Variants in TRIP13 observed in about 807,000 individuals in gnomAD.
TRIP13 encodes the protein thyroid hormone receptor interactor 13, also known as pachytene checkpoint protein 2 homolog.
Under a neutral mutation model 54.4 loss-of-function variants are expected in TRIP13, and 25 were observed. The observed-to-expected ratio is 0.46, with a 90% CI of 0.33 to 0.64. TRIP13 has a LOEUF of 0.64. TRIP13 is among the 30% of genes least tolerant of loss of function. The pLI is 0.02. For synonymous variants in TRIP13, 207 were observed against 207.8 expected (o/e 1.00, Z 0.03); for missense variants, 373 against 534.2 (o/e 0.70, Z 2.97).
intron 5 of TRIP13, among the ~76,000 whole-genome samples, chr5:902,876 C>CAG (rs577290763): frequency 1.3e-5 from 2 of 151,878 alleles, no homozygotes; most frequent in Non-Finnish European, 2.9e-5. Flanking sequence ...GCAGCTGAGG[C>CAG]AGAGAGAGAG....
intron 1 of TRIP13, 34 bp downstream of exon 1, chr5:893,124 A>AGCCCCCCCCCCCCCCC: frequency 6.6e-7 from 1 of 1,516,706 alleles, no homozygotes; most frequent in Non-Finnish European, 8.8e-7. Context: ...TCCTCTGGGC[A>AGCCCCCCCCCCCCCCC]CCCACCCGCC....
intron 5 of TRIP13, among the ~76,000 whole-genome samples, chr5:902,328 G>A (rs1754010579): frequency 6.6e-6 from 1 of 152,184 alleles, no homozygotes; most frequent in Non-Finnish European, 1.5e-5. Flanking sequence ...AGTTAAGATT[G>A]CGTGACAAAG....
At position 917,359 on chromosome 5, in the gene TRIP13, T is replaced by C; in HGVS notation, c.*256T>C. On this transcript the variant is annotated 3_prime_UTR_variant, in exon 13 of 13. Transcript: ENST00000166345. ...AGATAATTCAGATTGTTTGTCTCCTTGTGAAGAACCATCGAAACCTGTTTG... is the reference window on the plus strand; with the variant it reads ...AGATAATTCAGATTGTTTGTCTCCTCGTGAAGAACCATCGAAACCTGTTTG... 5.2e-6 allele frequency: 2 copies of C among 381,708 alleles called. No homozygotes were observed. The highest frequency in any genetic ancestry group is 9.4e-6 in the Non-Finnish European group (2 of 212,082). The allele number at this position is 381,708 out of a possible 1,614,324, so 23.6% of individuals were successfully genotyped here.
Position 908,225 on chromosome 5 carries a change from G to A in TRIP13, c.760-130G>A, listed in dbSNP as rs561907587. On this transcript the variant is annotated intron_variant, in intron 8 of 12. Coordinates refer to ENST00000166345, the MANE Select transcript of TRIP13 (RefSeq NM_004237.4). The surrounding 1 kb of genome is among the most constrained non-coding windows in gnomAD (Gnocchi z 5.2). ...CTGTGCGCCTTTCCACCTTGCCGCAGCATCCGCAGGCTAGGCACGGGAACA... is the reference window on the plus strand; with the variant it reads ...CTGTGCGCCTTTCCACCTTGCCGCAACATCCGCAGGCTAGGCACGGGAACA... 8.6e-6 allele frequency: 12 copies of A among 1,388,422 alleles called. No homozygotes were observed. The East Asian group carries it at 2.1e-4, about 24-fold the overall frequency. 86.0% of individuals were successfully genotyped at this position (1,388,422 alleles called of 1,614,324 possible). A position where few individuals can be genotyped will look rare whatever the true frequency, so the allele number is the denominator to read the frequency against.
rs1754167961 is a variant in TRIP13, at chr5:908,667, T to C, written c.866+206T>C. 7.2e-7 allele frequency: 1 copy of C among 1,387,582 alleles called. No homozygotes were observed. Among genetic ancestry groups the C allele is most frequent in the East Asian group, 2.8e-5 (1 of 35,442 alleles). The allele number at this position is 1,387,582 out of a possible 1,614,324, so 86.0% of individuals were successfully genotyped here. On this transcript the variant is annotated intron_variant, in intron 9 of 12. Coordinates refer to ENST00000166345, the MANE Select transcript of TRIP13 (RefSeq NM_004237.4). The surrounding 1 kb of genome is among the most constrained non-coding windows in gnomAD (Gnocchi z 5.2). ...GAAATTGTTTTTAGTGTGTTAAAAATGTAATAGAAGGCCAGGCGCGGTGGC... is the reference window on the plus strand; with the variant it reads ...GAAATTGTTTTTAGTGTGTTAAAAACGTAATAGAAGGCCAGGCGCGGTGGC...
chr5:915,648 G>A lies in TRIP13; in HGVS notation c.1134-256G>A, dbSNP rs1206004968. Among the ~76,000 whole-genome samples, 10 of 152,166 alleles carry A rather than the reference G, an allele frequency of 6.6e-5. No homozygotes were observed. The East Asian group carries it at 7.7e-4, about 12-fold the overall frequency. On this transcript the variant is annotated intron_variant, in intron 11 of 12. Coordinates refer to ENST00000166345, the MANE Select transcript of TRIP13 (RefSeq NM_004237.4). The surrounding 1 kb of genome is among the most constrained non-coding windows in gnomAD (Gnocchi z 4.2). ...TGTGCCTTGGGTGTGCTTCAGAGCCGCGAGGACACTGCCTCCCAGAGCAGG... is the reference window on the plus strand; with the variant it reads ...TGTGCCTTGGGTGTGCTTCAGAGCCACGAGGACACTGCCTCCCAGAGCAGG...
At chr5:916,004 G>A (rs747170216) in intron 12 of TRIP13, 31 bp downstream of exon 12, 18 of 1,607,442 alleles carry the variant, frequency 1.1e-5, no homozygotes, top group Middle Eastern at 1.7e-4. Flanking sequence ...TCCAGCACCC[G>A]CCCTGTCCAC....
At position 911,501 on chromosome 5, in the gene TRIP13, G is replaced by A. The variant is rs1057283499; in HGVS notation, c.867-342G>A. Among the ~76,000 whole-genome samples the A allele has an allele frequency of 2.0e-5, 3 of 152,058 alleles. No individual in the cohort carries two copies. The highest frequency in any genetic ancestry group is 7.2e-5 in the African/African-American group (3 of 41,408). On this transcript the variant is annotated intron_variant, in intron 9 of 12. Coordinates refer to ENST00000166345, the MANE Select transcript of TRIP13 (RefSeq NM_004237.4). The surrounding 1 kb of genome is among the most constrained non-coding windows in gnomAD (Gnocchi z 4.7). ...CAGGAGAATGGTGTGAACCGGCGAG[G>A]CGGAGCTTGCAGTGAGCCGAGATAG...
chr5:911,043 C>T lies in TRIP13; in HGVS notation c.867-800C>T, dbSNP rs1754220171. On this transcript the variant is annotated intron_variant, in intron 9 of 12. Transcript: ENST00000166345. The surrounding 1 kb of genome is among the most constrained non-coding windows in gnomAD (Gnocchi z 4.7). ...GCCTGTGCAGCATGCTCCCTGGGGGCACCTTGTGCCCGCTCTGCTGGCTCA... is the reference window on the plus strand; with the variant it reads ...GCCTGTGCAGCATGCTCCCTGGGGGTACCTTGTGCCCGCTCTGCTGGCTCA... Among the ~76,000 whole-genome samples, 1 of 152,252 alleles carries T rather than the reference C, an allele frequency of 6.6e-6. No homozygotes were observed. Among genetic ancestry groups the T allele is most frequent in the Non-Finnish European group, 1.5e-5 (1 of 68,036 alleles).
At position 907,061 on chromosome 5, in the gene TRIP13, G is replaced by A. The variant is rs1205021378; in HGVS notation, c.609-69G>A. The A allele has an allele frequency of 1.8e-5, 25 of 1,379,458 alleles. No homozygotes were observed. The highest frequency in any genetic ancestry group is 2.9e-5 in the African/African-American group (2 of 69,908). The allele number at this position is 1,379,458 out of a possible 1,614,324, so 85.5% of individuals were successfully genotyped here. A position where few individuals can be genotyped will look rare whatever the true frequency, so the allele number is the denominator to read the frequency against. On this transcript the variant is annotated intron_variant, in intron 6 of 12. Transcript: ENST00000166345. This position sits in a 1 kb window ranked among gnomAD's most constrained non-coding sequence, Gnocchi z 4.1. ...ACTTGAGATGTTGCATTCAGGACGC[G>A]TGAATGGCTGCCGCTGAGGATCCAC...
intron 6 of TRIP13, among the ~76,000 whole-genome samples, chr5:904,518 A>G (rs1442226087): frequency 6.6e-6 from 1 of 151,858 alleles, no homozygotes. Context: ...TTTCCTCTTG[A>G]GTTCTGTCTG....
rs1158108785 is a variant in TRIP13 at position 893,059 on chromosome 5, G to A, written c.61G>A (p.Val21Ile). The change falls in exon 1 of 13, where the codon GTC (valine) becomes ATC (isoleucine). Residue 21 changes from valine to isoleucine, a missense_variant. This residue lies in a region of TRIP13 where 151 missense variants were observed against 151.9 expected (regional missense o/e 0.99). Transcript: ENST00000166345. ...ALPCVAESPTVHVEVHQRGSS... is the reference protein window; with the variant it reads ...ALPCVAESPTIHVEVHQRGSS... ...TCCCTGTGTGGCCGAGTCGCCAACG[G>A]TCCACGTGGAGGTGCATCAGCGCGG... 1 of 1,598,712 alleles carries A rather than the reference G, an allele frequency of 6.3e-7. No homozygotes were observed. Among genetic ancestry groups the A allele is most frequent in the South Asian group, 1.1e-5 (1 of 88,824 alleles).
At chr5:909,541 A>C (rs1173196321) in intron 9 of TRIP13, among the ~76,000 whole-genome samples, 3 of 152,154 alleles carry the variant, frequency 2.0e-5, no homozygotes, top group African/African-American at 7.2e-5. Context: ...ATGTGTGCCA[A>C]GACCAGCTCG....
Position 894,964 on chromosome 5 carries a change from A to G in TRIP13, c.258+12A>G, listed in dbSNP as rs1340979832. The G allele has an allele frequency of 6.3e-7, 1 of 1,595,734 alleles. No individual in the cohort carries two copies. Among genetic ancestry groups the G allele is most frequent in the Admixed American group, 1.8e-5 (1 of 56,896 alleles). On this transcript the variant is annotated intron_variant, in intron 2 of 12. Coordinates refer to ENST00000166345, the MANE Select transcript of TRIP13 (RefSeq NM_004237.4). ...TTAAAGACTCACAGGTAAGTTACTA[A>G]TTTGCTGGGCCAAGGAACAGTTAGC... is the stretch of plus-strand genomic sequence containing the variant.
chr5:894,719 A>G (rs1753871426), intron 1 of TRIP13, 68 bp from the exon 2 acceptor site: 2 of 1,519,950 alleles, frequency 1.3e-6, no homozygotes, highest in African/African-American at 1.4e-5. Flanking sequence ...AGTTTTTCAA[A>G]ACACTTCATT....
At chr5:901,494 C>G in intron 5 of TRIP13, 63 bp downstream of exon 5, 1 of 1,504,644 alleles carries the variant, frequency 6.6e-7, no homozygotes, top group East Asian at 2.3e-5. Context: ...TTACTTGTAC[C>G]TTCGTCCTTC....
At chr5:903,353 C>T (rs1436778221) in intron 5 of TRIP13, among the ~76,000 whole-genome samples, 1 of 152,054 alleles carries the variant, frequency 6.6e-6, no homozygotes, top group Non-Finnish European at 1.5e-5. Flanking sequence ...CCCCTCAGCT[C>T]CTATCTCTGT....
rs1754258533 is a variant in TRIP13 at position 912,503 on chromosome 5, G to A, written c.1020+507G>A. 6.6e-6 allele frequency among the ~76,000 whole-genome samples: 1 copy of A among 152,086 alleles called. No individual in the cohort carries two copies. The highest frequency in any genetic ancestry group is 1.5e-5 in the Non-Finnish European group (1 of 68,022). On this transcript the variant is annotated intron_variant, in intron 10 of 12. Transcript: ENST00000166345. This position sits in a 1 kb window ranked among gnomAD's most constrained non-coding sequence, Gnocchi z 7.2. ...GCAGAGCGACGCGTGCGGGTTGTGTGTGTGAGTCAGGAAGGCCGTCGCCAC... is the reference window on the plus strand; with the variant it reads ...GCAGAGCGACGCGTGCGGGTTGTGTATGTGAGTCAGGAAGGCCGTCGCCAC...
chr5:915,600 G>A lies in TRIP13; in HGVS notation c.1134-304G>A, dbSNP rs1332691468. Among the ~76,000 whole-genome samples, 1 of 152,194 alleles carries A rather than the reference G, an allele frequency of 6.6e-6. No individual in the cohort carries two copies. The highest frequency in any genetic ancestry group is 1.5e-5 in the Non-Finnish European group (1 of 68,036). On this transcript the variant is annotated intron_variant, in intron 11 of 12. Coordinates refer to ENST00000166345, the MANE Select transcript of TRIP13 (RefSeq NM_004237.4). The surrounding 1 kb of genome is among the most constrained non-coding windows in gnomAD (Gnocchi z 4.2). ...TGCCTTCCCTGAGCACAAGGATGCT[G>A]GCCCTGGGGCAGAGCACACAGGTGT...
Sources: allele counts gnomAD v4.1 joint callset (sites outside exome capture counted in the v4.1 genomes callset), GRCh38; gene constraint gnomAD v4.1.1; regional missense constraint gnomAD v4.1.1; non-coding constraint Gnocchi (gnomAD v3.1); transcripts MANE v1.5; gene names NCBI Gene and HGNC (gene_info 2026-07-23, HGNC 2026-07-21).